MORC1: variants seen among roughly 807,000 people sequenced by gnomAD.
MORC1 encodes MORC family CW-type zinc finger 1.
In MORC1, 59 loss-of-function variants were observed where a neutral mutation model predicts 134.9. The ratio of observed to expected loss-of-function variants is 0.44; its 90% confidence interval spans 0.35 to 0.54. The LOEUF (loss-of-function observed/expected upper bound fraction) is 0.54. MORC1 is among the 20% of genes least tolerant of loss of function. The pLI, the probability that MORC1 is intolerant of heterozygous loss-of-function variation, is 0.00. For missense variants in MORC1, 947 were observed against 1,134.5 expected (o/e 0.83, Z 2.37); for synonymous variants, 395 against 391.7 (o/e 1.01, Z -0.10).
chr3:108,997,976 T>C (rs956843276), intron 21 of MORC1, among the ~76,000 whole-genome samples: 3 of 152,110 alleles, frequency 2.0e-5, no homozygotes, highest in African/African-American at 7.2e-5. Context: ...TGAAAAAAAG[T>C]ACAGTTATAG....
At chr3:108,969,828 T>C in intron 25 of MORC1, 106 bp from the exon 26 acceptor site, 3 of 1,085,470 alleles carry the variant, frequency 2.8e-6, no homozygotes, top group Non-Finnish European at 4.1e-6. Context: ...CATCAAAGCC[T>C]AGAACTGGCC....
At chr3:109,104,687 T>C (rs1314089647) in intron 3 of MORC1, among the ~76,000 whole-genome samples, 1 of 152,054 alleles carries the variant, frequency 6.6e-6, no homozygotes, top group African/African-American at 2.4e-5. Flanking sequence ...GTTAAAGCTG[T>C]AACTAAAACT....
At chr3:109,069,788 C>G (rs1222014865) in intron 8 of MORC1, 31 bp from the exon 9 acceptor site, 2 of 1,586,112 alleles carry the variant, frequency 1.3e-6, no homozygotes, top group African/African-American at 2.7e-5. Flanking sequence ...TGTCACAATA[C>G]AGAGGACACA....
chr3:109,010,555 C>G (rs1380267372), intron 17 of MORC1, among the ~76,000 whole-genome samples: 1 of 152,046 alleles, frequency 6.6e-6, no homozygotes, highest in African/African-American at 2.4e-5. Flanking sequence ...GAACAAATAA[C>G]AGCACAAAAT....
chr3:109,069,841 G>A (rs941834952), intron 8 of MORC1, 84 bp from the exon 9 acceptor site: 4 of 1,371,502 alleles, frequency 2.9e-6, no homozygotes, highest in Middle Eastern at 1.9e-4. Context: ...AGACTATCAG[G>A]TTATTATTGT....
chr3:109,110,800 A>G lies in MORC1; in HGVS notation c.120-17T>C. ...CCTGCATCTCTGGAAACAATACAAAAATATTATTTCTTCAATATGAAATGA... is the reference window on the plus strand; with the variant it reads ...CCTGCATCTCTGGAAACAATACAAAGATATTATTTCTTCAATATGAAATGA... On this transcript the variant is annotated splice_polypyrimidine_tract_variant and intron_variant, in intron 2 of 27. Coordinates refer to ENST00000232603, the MANE Select transcript of MORC1 (RefSeq NM_014429.4). 1 of 1,571,796 alleles carries G rather than the reference A, an allele frequency of 6.4e-7. No individual in the cohort carries two copies. The highest frequency in any genetic ancestry group is 8.6e-7 in the Non-Finnish European group (1 of 1,160,430).
chr3:108,981,467 T>G (rs1947719340), intron 23 of MORC1, among the ~76,000 whole-genome samples: 1 of 152,200 alleles, frequency 6.6e-6, no homozygotes, highest in Non-Finnish European at 1.5e-5. Flanking sequence ...GCTCATTAGT[T>G]ATAACCTTCT....
chr3:109,072,498 C>T (rs1950340691), intron 8 of MORC1, among the ~76,000 whole-genome samples: 1 of 152,206 alleles, frequency 6.6e-6, no homozygotes, highest in Non-Finnish European at 1.5e-5. Context: ...GCATCCCCAA[C>T]TGGCTGTGAG....
At chr3:108,960,107 T>C (rs1261806051) in intron 27 of MORC1, among the ~76,000 whole-genome samples, 1 of 152,182 alleles carries the variant, frequency 6.6e-6, no homozygotes. Context: ...GATGAGATGA[T>C]GTTGAAGAGG....
rs527606439 is a variant in MORC1, at chr3:108,963,506, G to C, written c.2707C>G (p.Leu903Val). Residue 903 changes from leucine to valine, a missense_variant, in exon 27 of 28, where the codon CTG becomes GTG. By Grantham distance (32) the Leu-to-Val change is conservative. Coordinates refer to ENST00000232603, the MANE Select transcript of MORC1 (RefSeq NM_014429.4). Reference sequence around the variant, plus strand: ...TTTCTTTTATTTTCACATTGCCCCAGAGAGATTTCATTATGTATTCCTCTT... The same window carrying C: ...TTTCTTTTATTTTCACATTGCCCCACAGAGATTTCATTATGTATTCCTCTT... ...NTRGIHNEIS[L>V]GQCENKRKIS... is the part of the protein sequence containing the mutation. The C allele has an allele frequency of 2.0e-5, 33 of 1,611,442 alleles. No individual in the cohort carries two copies. Among genetic ancestry groups the C allele is most frequent in the Non-Finnish European group, 2.8e-5 (33 of 1,178,646 alleles).
rs141800528 is a variant in MORC1 at position 109,025,959 on chromosome 3, C to T, written c.1704+1792G>A. Among the ~76,000 whole-genome samples, 47 of 152,228 alleles carry T rather than the reference C, an allele frequency of 3.1e-4. 1 individual carries two copies. In the East Asian group the frequency reaches 3.5e-3, roughly 11 times the overall value. On this transcript the variant is annotated intron_variant, in intron 17 of 27. Transcript: ENST00000232603. ...CACAGTAAGTAAAACCAACACTACC[C>T]CTGCTCTCACAGAACTTACATTTTG...
At chr3:109,049,132 G>A (rs879382847) in intron 14 of MORC1, 31 of 983,864 alleles carry the variant, frequency 3.2e-5, no homozygotes, top group Admixed American at 6.2e-5. Flanking sequence ...ATCACTCGAC[G>A]TGTATCCTTA....
chr3:109,098,546 A>C (rs1173875118), intron 6 of MORC1, among the ~76,000 whole-genome samples: 1 of 152,076 alleles, frequency 6.6e-6, no homozygotes, highest in Non-Finnish European at 1.5e-5. Context: ...TGAGGCCATT[A>C]ATCTCCAGTA....
At chr3:109,103,579 A>G (rs1008946344) in intron 4 of MORC1, among the ~76,000 whole-genome samples, 4 of 152,180 alleles carry the variant, frequency 2.6e-5, no homozygotes, top group Admixed American at 2.0e-4. Context: ...TCATTCCCAG[A>G]TGCTTATTTC....
chr3:109,030,423 T>C (rs9814731), intron 16 of MORC1, among the ~76,000 whole-genome samples: 31,071 of 152,068 alleles, frequency 0.2, 3,517 homozygotes, highest in Middle Eastern at 0.33. Context: ...AATCATCATA[T>C]CTACATCACT....
At chr3:109,077,610 A>G (rs552064513) in intron 8 of MORC1, among the ~76,000 whole-genome samples, 1 of 152,222 alleles carries the variant, frequency 6.6e-6, no homozygotes, top group East Asian at 1.9e-4. Flanking sequence ...GAAAAAAAAT[A>G]AACTTTTCCT....
chr3:108,983,889 C>A (rs1328663222), intron 23 of MORC1, among the ~76,000 whole-genome samples: 3 of 152,074 alleles, frequency 2.0e-5, no homozygotes, highest in Non-Finnish European at 4.4e-5. Flanking sequence ...TAAAAGAGAA[C>A]TACTAGTAAT....
At chr3:109,051,080 G>GCTT (rs1198735622) in intron 14 of MORC1, among the ~76,000 whole-genome samples, 1 of 152,112 alleles carries the variant, frequency 6.6e-6, no homozygotes, top group Non-Finnish European at 1.5e-5. Context: ...TTTATTGTAA[G>GCTT]GATGTATAAA....
At chr3:109,068,688 C>G (rs1950251775) in intron 9 of MORC1, among the ~76,000 whole-genome samples, 1 of 152,200 alleles carries the variant, frequency 6.6e-6, no homozygotes, top group Admixed American at 6.5e-5. Context: ...GTGCAAGTAT[C>G]TTCTTCAAAT....
Sources: gnomAD v4.1 joint callset for allele counts (sites outside exome capture counted in the v4.1 genomes callset) on GRCh38, gnomAD v4.1.1 for gene constraint, MANE v1.5 for transcripts, NCBI Gene and HGNC (gene_info 2026-07-23, HGNC 2026-07-21) for gene names.